SPOCK3: variants seen among roughly 807,000 people sequenced by gnomAD.
SPOCK3 encodes the protein testican-3.
Under a neutral mutation model 56.6 loss-of-function variants are expected in SPOCK3, and 30 were observed. The ratio of observed to expected loss-of-function variants is 0.53; its 90% CI spans 0.40 to 0.72. The LOEUF (loss-of-function observed/expected upper bound fraction) is 0.72. Among genes scored for constraint, SPOCK3 ranks in the 30% least tolerant of loss-of-function variants. The pLI, the probability that SPOCK3 is intolerant of heterozygous loss-of-function variation, is 0.00. For missense variants in SPOCK3, 527 were observed against 530.0 expected (o/e 0.99, Z 0.06); for synonymous variants, 196 against 183.3 (o/e 1.07, Z -0.56).
chr4:167,122,656 G>A (rs939863541), intron 2 of SPOCK3, among the ~76,000 whole-genome samples: 4 of 152,044 alleles, frequency 2.6e-5, no homozygotes, highest in African/African-American at 9.7e-5. Flanking sequence ...ATACATATCC[G>A]TTATTCTTCC....
At chr4:167,060,316 A>G (rs1336257341) in intron 3 of SPOCK3, among the ~76,000 whole-genome samples, 2 of 151,646 alleles carry the variant, frequency 1.3e-5, no homozygotes. Flanking sequence ...GAAAAAACAA[A>G]CAAAAAAGAA....
intron 7 of SPOCK3, among the ~76,000 whole-genome samples, chr4:166,770,230 C>A (rs141130981): frequency 1.3e-5 from 2 of 152,044 alleles, no homozygotes; most frequent in Non-Finnish European, 2.9e-5. Context: ...TGAGATGAAC[C>A]GGGTACCTCA....
intron 2 of SPOCK3, among the ~76,000 whole-genome samples, chr4:167,111,730 T>TA (rs1343682869): frequency 6.6e-6 from 1 of 151,576 alleles, no homozygotes; most frequent in African/African-American, 2.4e-5. Context: ...CAATAGACTA[T>TA]AAAAGATAGT....
chr4:166,962,404 C>T (rs1038580695), intron 4 of SPOCK3, among the ~76,000 whole-genome samples: 10 of 152,120 alleles, frequency 6.6e-5, no homozygotes, highest in South Asian at 2.1e-4. Flanking sequence ...AGAAACGACA[C>T]TTCTCTGAGT....
chr4:167,004,121 C>T (rs17646122), intron 3 of SPOCK3, among the ~76,000 whole-genome samples: 10,900 of 152,050 alleles, frequency 0.072, 625 homozygotes, highest in Admixed American at 0.2. Flanking sequence ...TTTTTGTTGG[C>T]AGAGATGTAT....
At chr4:166,951,162 G>A (rs1382780332) in intron 4 of SPOCK3, among the ~76,000 whole-genome samples, 1 of 143,274 alleles carries the variant, frequency 7.0e-6, no homozygotes, top group African/African-American at 2.8e-5. Flanking sequence ...TTTTTTGAAA[G>A]GATCAACAAA....
chr4:166,802,172 T>C (rs1022342682), intron 6 of SPOCK3, among the ~76,000 whole-genome samples: 3 of 151,878 alleles, frequency 2.0e-5, no homozygotes, highest in African/African-American at 7.3e-5. Context: ...ATTTTCTGCC[T>C]AATAAGTAAA....
chr4:167,213,727 C>T (rs370028634), intron 2 of SPOCK3, among the ~76,000 whole-genome samples: 30 of 152,132 alleles, frequency 2.0e-4, no homozygotes, highest in African/African-American at 7.2e-4. Context: ...ATACATTCAA[C>T]TACCTTGCAT....
chr4:167,060,164 A>T (rs1369249475), intron 3 of SPOCK3, among the ~76,000 whole-genome samples: 1 of 152,000 alleles, frequency 6.6e-6, no homozygotes, highest in Non-Finnish European at 1.5e-5. Context: ...TAATAAAATA[A>T]AAAAAGAAAG....
chr4:166,774,669 T>G (rs1739329603), intron 7 of SPOCK3, among the ~76,000 whole-genome samples: 1 of 152,184 alleles, frequency 6.6e-6, no homozygotes, highest in Admixed American at 6.5e-5. Flanking sequence ...CACAGCTGCC[T>G]CTGACGACTT....
intron 6 of SPOCK3, among the ~76,000 whole-genome samples, chr4:166,876,347 A>G (rs1024042930): frequency 1.3e-5 from 2 of 152,206 alleles, no homozygotes; most frequent in Non-Finnish European, 2.9e-5. Context: ...AAATATGGCA[A>G]TGGAATTTTT....
chr4:166,920,776 T>TTA (rs1313557165), intron 4 of SPOCK3, among the ~76,000 whole-genome samples: 6 of 152,080 alleles, frequency 3.9e-5, no homozygotes, highest in African/African-American at 7.2e-5. Flanking sequence ...AAACACATTT[T>TTA]TATATATATA....
chr4:167,011,262 T>C (rs940574320), intron 3 of SPOCK3: 1 of 455,892 alleles, frequency 2.2e-6, no homozygotes, highest in Non-Finnish European at 4.4e-6. Flanking sequence ...TATGGCAATA[T>C]TCACATCACA....
At chr4:167,066,357 C>G (rs563940785) in intron 2 of SPOCK3, among the ~76,000 whole-genome samples, 45 of 151,846 alleles carry the variant, frequency 3.0e-4, no homozygotes, top group Non-Finnish European at 5.2e-4. Flanking sequence ...GGTGGGGATA[C>G]TACTACAAGG....
chr4:166,792,327 C>G (rs1210750141), intron 6 of SPOCK3, 38 bp from the exon 7 acceptor site: 1 of 1,610,232 alleles, frequency 6.2e-7, no homozygotes, highest in Non-Finnish European at 8.5e-7. Context: ...TGAATAATAT[C>G]TTAGTATAAT....
chr4:167,058,918 T>G (rs1239232035), intron 3 of SPOCK3, among the ~76,000 whole-genome samples: 1 of 152,156 alleles, frequency 6.6e-6, no homozygotes, highest in African/African-American at 2.4e-5. Flanking sequence ...CCCTACTTAA[T>G]AAATGGTGCT....
intron 2 of SPOCK3, among the ~76,000 whole-genome samples, chr4:167,063,637 A>C (rs564513528): frequency 1.3e-5 from 2 of 151,972 alleles, no homozygotes; most frequent in Non-Finnish European, 1.5e-5. Flanking sequence ...AATAGCGTAC[A>C]TTGTTCCCAT....
intron 2 of SPOCK3, among the ~76,000 whole-genome samples, chr4:167,119,023 C>G (rs539771401): frequency 6.6e-6 from 1 of 150,730 alleles, no homozygotes; most frequent in African/African-American, 2.4e-5. Context: ...GCCTAGAAAT[C>G]TGGGCCGAAT....
chr4:167,178,641 T>A (rs1019836269), intron 2 of SPOCK3, among the ~76,000 whole-genome samples: 1 of 152,112 alleles, frequency 6.6e-6, no homozygotes, highest in Non-Finnish European at 1.5e-5. Context: ...TAGAGACTCA[T>A]GATGTGAGAA....
Sources: allele counts gnomAD v4.1 joint callset (sites outside exome capture counted in the v4.1 genomes callset), GRCh38; gene constraint gnomAD v4.1.1; transcripts MANE v1.5; gene names NCBI Gene and HGNC (gene_info 2026-07-23, HGNC 2026-07-21).